GRID2: variants seen among roughly 807,000 people sequenced by gnomAD.
GRID2 encodes glutamate receptor ionotropic, delta-2.
In GRID2, 33 loss-of-function variants were observed where a neutral mutation model predicts 114.8. The observed-to-expected ratio is 0.29, with a 90% CI of 0.22 to 0.38. The LOEUF (loss-of-function observed/expected upper bound fraction) is 0.38. Among genes scored for constraint, GRID2 ranks in the 10% least tolerant of loss-of-function variants. The pLI is 1.00. For synonymous variants in GRID2, 505 were observed against 449.9 expected (o/e 1.12, Z -1.55); for missense variants, 1,184 against 1,257.7 (o/e 0.94, Z 0.89).
intron 2 of GRID2, among the ~76,000 whole-genome samples, chr4:92,648,894 TATC>T (rs1731775561): frequency 6.8e-6 from 1 of 146,092 alleles, no homozygotes; most frequent in Non-Finnish European, 1.5e-5. Flanking sequence ...AAATATATAT[TATC>T]AGATACATAA....
intron 1 of GRID2, among the ~76,000 whole-genome samples, chr4:92,366,175 C>G (rs1041826496): frequency 1.3e-5 from 2 of 151,864 alleles, no homozygotes; most frequent in African/African-American, 4.8e-5. Flanking sequence ...GAAACAGGCT[C>G]AGAAATGTTA....
chr4:93,047,757 G>A (rs762783125), intron 2 of GRID2, among the ~76,000 whole-genome samples: 2 of 151,880 alleles, frequency 1.3e-5, no homozygotes, highest in Non-Finnish European at 2.9e-5. Context: ...TTCTCTAGAT[G>A]GCTAGAGAAA....
At chr4:92,728,952 T>A (rs1301331913) in intron 2 of GRID2, among the ~76,000 whole-genome samples, 2 of 151,966 alleles carry the variant, frequency 1.3e-5, no homozygotes, top group Admixed American at 1.3e-4. Flanking sequence ...CTATTAAAGG[T>A]TTTTATTTTT....
At chr4:92,816,618 C>T (rs930053808) in intron 2 of GRID2, among the ~76,000 whole-genome samples, 6 of 152,152 alleles carry the variant, frequency 3.9e-5, no homozygotes, top group East Asian at 1.9e-4. Context: ...TAAGTATTTT[C>T]TAAGAAATGA....
intron 4 of GRID2, among the ~76,000 whole-genome samples, chr4:93,135,358 T>C (rs1165863300): frequency 6.6e-6 from 1 of 152,178 alleles, no homozygotes; most frequent in Non-Finnish European, 1.5e-5. Flanking sequence ...TGAATGTGTA[T>C]CCTCCATTGA....
At chr4:92,795,755 C>T (rs1194101483) in intron 2 of GRID2, among the ~76,000 whole-genome samples, 1 of 151,988 alleles carries the variant, frequency 6.6e-6, no homozygotes, top group African/African-American at 2.4e-5. Context: ...TGATTTCTGG[C>T]ACTGCTTCTT....
At chr4:92,922,923 G>A (rs1388650184) in intron 2 of GRID2, among the ~76,000 whole-genome samples, 1 of 152,184 alleles carries the variant, frequency 6.6e-6, no homozygotes, top group Non-Finnish European at 1.5e-5. Flanking sequence ...CACAACGGAG[G>A]CTCTAGGACG....
intron 10 of GRID2, among the ~76,000 whole-genome samples, chr4:93,433,408 C>G (rs1769609641): frequency 6.6e-6 from 1 of 151,400 alleles, no homozygotes; most frequent in Non-Finnish European, 1.5e-5. Context: ...CAACATAAAA[C>G]AAAACAAAAC....
At chr4:92,398,189 A>C (rs1280355336) in intron 1 of GRID2, among the ~76,000 whole-genome samples, 1 of 152,166 alleles carries the variant, frequency 6.6e-6, no homozygotes, top group Non-Finnish European at 1.5e-5. Context: ...TGGAATATCT[A>C]TATATAAAGA....
intron 4 of GRID2, among the ~76,000 whole-genome samples, chr4:93,120,436 C>A (rs1733674350): frequency 2.0e-5 from 3 of 152,130 alleles, no homozygotes; most frequent in African/African-American, 7.2e-5. Flanking sequence ...TGAATTCATG[C>A]CCTTTGCAGC....
At chr4:93,778,470 C>T (rs1392502501), downstream of GRID2, among the ~76,000 whole-genome samples, 2 of 146,306 alleles carry the variant, frequency 1.4e-5, no homozygotes, top group African/African-American at 5.1e-5. Flanking sequence ...GATCTCGGCT[C>T]CCTGGAACCT....
At chr4:93,215,226 A>C in intron 5 of GRID2, among the ~76,000 whole-genome samples, 1 of 146,760 alleles carries the variant, frequency 6.8e-6, no homozygotes, top group African/African-American at 2.6e-5. Flanking sequence ...TTGCTAAAGC[A>C]AAAAAAAATA....
chr4:93,766,516 G>A (rs1026371885), intron 14 of GRID2, among the ~76,000 whole-genome samples: 1 of 152,184 alleles, frequency 6.6e-6, no homozygotes, highest in African/African-American at 2.4e-5. Flanking sequence ...AGATTTGTGT[G>A]GGGACACGGA....
At chr4:92,742,775 A>G (rs1351621373) in intron 2 of GRID2, among the ~76,000 whole-genome samples, 1 of 152,204 alleles carries the variant, frequency 6.6e-6, no homozygotes. Context: ...TTTTTCATTA[A>G]GAAAATATTA....
At chr4:92,776,145 A>T (rs1032893525) in intron 2 of GRID2, among the ~76,000 whole-genome samples, 2 of 152,146 alleles carry the variant, frequency 1.3e-5, no homozygotes, top group African/African-American at 4.8e-5. Flanking sequence ...TTAATCTTTC[A>T]TCGCTATAAA....
intron 1 of GRID2, among the ~76,000 whole-genome samples, chr4:92,493,161 TAAAGTTTTAAGG>T (rs1174831380): frequency 6.7e-6 from 1 of 148,356 alleles, no homozygotes; most frequent in Non-Finnish European, 1.5e-5. Context: ...TTGAATTGAA[TAAAGTTTTAAGG>T]ATTAATGTTA....
At chr4:92,813,965 T>C (rs1029872963) in intron 2 of GRID2, among the ~76,000 whole-genome samples, 1 of 152,144 alleles carries the variant, frequency 6.6e-6, no homozygotes. Flanking sequence ...ATTGATTCCC[T>C]AACAATGTAA....
At chr4:93,709,419 G>T (rs574708215) in intron 14 of GRID2, among the ~76,000 whole-genome samples, 1 of 152,168 alleles carries the variant, frequency 6.6e-6, no homozygotes, top group Non-Finnish European at 1.5e-5. Context: ...ACTCTCTCTT[G>T]GCTTGTAAGT....
At chr4:92,337,700 C>T (rs186559641) in intron 1 of GRID2, among the ~76,000 whole-genome samples, 7 of 152,248 alleles carry the variant, frequency 4.6e-5, no homozygotes, top group South Asian at 2.1e-4. Context: ...CAACCACTCC[C>T]GTGATCCAGT....
Sources: gnomAD v4.1 joint callset for allele counts (sites outside exome capture counted in the v4.1 genomes callset) on GRCh38, gnomAD v4.1.1 for gene constraint, MANE v1.5 for transcripts, NCBI Gene and HGNC (gene_info 2026-07-23, HGNC 2026-07-21) for gene names.